Variants in EPHB1 observed in about 807,000 individuals in gnomAD.
EPHB1 encodes the protein ephrin type-B receptor 1.
EPHB1 carries 30 observed loss-of-function variants against 94.4 expected under a neutral mutation model. The ratio of observed to expected loss-of-function variants is 0.32; its 90% confidence interval spans 0.24 to 0.43. The LOEUF is 0.43. EPHB1 is among the 20% of genes least tolerant of loss of function. The probability of loss-of-function intolerance (pLI) is 1.00; values close to 1 mark genes in which losing one functional copy is unlikely to be tolerated. For synonymous variants in EPHB1, 522 were observed against 489.1 expected (o/e 1.07, Z -0.89); for missense variants, 1,055 against 1,308.3 (o/e 0.81, Z 2.99).
intron 3 of EPHB1, among the ~76,000 whole-genome samples, chr3:135,066,880 G>A (rs1159368770): frequency 6.6e-6 from 1 of 152,208 alleles, no homozygotes; most frequent in Non-Finnish European, 1.5e-5. Flanking sequence ...CCCACAGTGT[G>A]TTCCCTTGAT....
At chr3:135,158,246 A>G (rs1434028449) in intron 6 of EPHB1, among the ~76,000 whole-genome samples, 1 of 152,042 alleles carries the variant, frequency 6.6e-6, no homozygotes, top group Non-Finnish European at 1.5e-5. Flanking sequence ...AGCAAACCCC[A>G]TTATTTCTTC....
chr3:134,970,476 G>A (rs1301334868), intron 3 of EPHB1, among the ~76,000 whole-genome samples: 1 of 152,056 alleles, frequency 6.6e-6, no homozygotes, highest in Non-Finnish European at 1.5e-5. Context: ...TCCCTCCATG[G>A]CTTTGTCTTA....
At chr3:135,257,924 G>A (rs190790020) in intron 15 of EPHB1, among the ~76,000 whole-genome samples, 105 of 151,704 alleles carry the variant, frequency 6.9e-4, no homozygotes, top group Non-Finnish European at 1.2e-3. Context: ...GGTGCGCCGT[G>A]TTTTAAGCCT....
intron 3 of EPHB1, among the ~76,000 whole-genome samples, chr3:135,027,578 G>A (rs1187576154): frequency 6.6e-6 from 1 of 150,666 alleles, no homozygotes; most frequent in African/African-American, 2.4e-5. Context: ...CTTGATCATG[G>A]TGCATAAGCT....
At chr3:135,257,648 G>A (rs1933461183) in intron 15 of EPHB1, among the ~76,000 whole-genome samples, 1 of 151,008 alleles carries the variant, frequency 6.6e-6, no homozygotes, top group Admixed American at 6.6e-5. Context: ...ATTTAAGTCT[G>A]CAGAGGTTAC....
At chr3:134,909,478 A>G (rs962941838) in intron 1 of EPHB1, among the ~76,000 whole-genome samples, 1 of 152,290 alleles carries the variant, frequency 6.6e-6, no homozygotes, top group Non-Finnish European at 1.5e-5. Flanking sequence ...AAGCCTTGAG[A>G]GGTTCTGAAA....
intron 3 of EPHB1, among the ~76,000 whole-genome samples, chr3:134,994,845 A>G (rs993156430): frequency 1.3e-5 from 2 of 152,238 alleles, no homozygotes; most frequent in African/African-American, 4.8e-5. Flanking sequence ...TTTAAGAAAT[A>G]TTAAGAAAAA....
intron 1 of EPHB1, among the ~76,000 whole-genome samples, chr3:134,901,514 G>A (rs1306178321): frequency 3.3e-5 from 5 of 152,248 alleles, no homozygotes; most frequent in Admixed American, 1.3e-4. Context: ...TACACCTGGA[G>A]GCTTGGGCAG....
At position 134,795,339 on chromosome 3, in the gene EPHB1, C is replaced by T. The variant is rs1578089371; in HGVS notation, c.-293C>T. On this transcript the variant is annotated 5_prime_UTR_variant, in exon 1 of 16. Coordinates refer to ENST00000398015, the MANE Select transcript of EPHB1 (RefSeq NM_004441.5). ...CAGGACGCACTCGCTCTCGCGCGCT[C>T]TCCCAGGCTCGTTCTCCCTCGCCCT... 2 of 492,236 alleles carry T rather than the reference C, an allele frequency of 4.1e-6. No homozygotes were observed. Among genetic ancestry groups the T allele is most frequent in the Non-Finnish European group, 7.1e-6 (2 of 280,536 alleles). The allele number at this position is 492,236 out of a possible 1,614,324, so 30.5% of individuals were successfully genotyped here.
chr3:134,938,611 A>G (rs1170726600), intron 2 of EPHB1, among the ~76,000 whole-genome samples: 3 of 152,220 alleles, frequency 2.0e-5, no homozygotes, highest in Non-Finnish European at 4.4e-5. Flanking sequence ...CATAGAGCAT[A>G]CACATCATGG....
intron 3 of EPHB1, among the ~76,000 whole-genome samples, chr3:134,996,643 T>C (rs555041792): frequency 1.6e-4 from 25 of 152,324 alleles, no homozygotes; most frequent in Middle Eastern, 3.4e-3. Flanking sequence ...GAGTGACTGC[T>C]TCTTCCTAGT....
intron 1 of EPHB1, among the ~76,000 whole-genome samples, chr3:134,856,130 C>G (rs934146085): frequency 1.3e-5 from 2 of 152,194 alleles, no homozygotes; most frequent in African/African-American, 4.8e-5. Context: ...AAGTTTGTAA[C>G]TGAGTGCTAG....
chr3:134,886,778 A>G (rs932132031), intron 1 of EPHB1, among the ~76,000 whole-genome samples: 10 of 151,972 alleles, frequency 6.6e-5, no homozygotes, highest in Non-Finnish European at 1.2e-4. Flanking sequence ...TTTTTTTTAA[A>G]TAGGTGAGGA....
In EPHB1 at chr3:134,849,030, C is replaced by A. The variant is rs116209407; in HGVS notation, c.58+53341C>A. On this transcript the variant is annotated intron_variant, in intron 1 of 15. Transcript: ENST00000398015. ...ATCACACCTACGCACAAGGCGGGAG[C>A]CTGAGTTTCAGATGAACAGGAGGGA... Among the ~76,000 whole-genome samples, 1,067 of 152,330 alleles carry A rather than the reference C, an allele frequency of 7.0e-3. 12 individuals are homozygous for A. The highest frequency in any genetic ancestry group is 0.022 in the African/African-American group (899 of 41,562).
intron 1 of EPHB1, among the ~76,000 whole-genome samples, chr3:134,872,390 T>G (rs2037518857): frequency 6.6e-6 from 1 of 152,234 alleles, no homozygotes; most frequent in African/African-American, 2.4e-5. Flanking sequence ...CCTCTTCTAT[T>G]TCTTATAATT....
intron 1 of EPHB1, among the ~76,000 whole-genome samples, chr3:134,898,353 G>A (rs1317207670): frequency 6.6e-6 from 1 of 152,166 alleles, no homozygotes; most frequent in African/African-American, 2.4e-5. Context: ...GGATGGGGCT[G>A]AGAAGCTGAG....
intron 1 of EPHB1, among the ~76,000 whole-genome samples, chr3:134,901,377 T>A (rs1360049568): frequency 6.6e-6 from 1 of 152,240 alleles, no homozygotes; most frequent in African/African-American, 2.4e-5. Context: ...TTTCATTTAA[T>A]TTATTTGTTG....
At chr3:135,035,940 T>G (rs1936630231) in intron 3 of EPHB1, among the ~76,000 whole-genome samples, 1 of 152,202 alleles carries the variant, frequency 6.6e-6, no homozygotes, top group African/African-American at 2.4e-5. Flanking sequence ...GGTCCCCAGG[T>G]TTGAAGAAAA....
intron 1 of EPHB1, among the ~76,000 whole-genome samples, chr3:134,904,621 T>TA (rs1038166084): frequency 1.3e-5 from 2 of 152,150 alleles, no homozygotes; most frequent in Admixed American, 1.3e-4. Context: ...CTGGGAGAAA[T>TA]ACCTCCTCAC....
Sources: gnomAD v4.1 joint callset for allele counts (sites outside exome capture counted in the v4.1 genomes callset) on GRCh38, gnomAD v4.1.1 for gene constraint, MANE v1.5 for transcripts, NCBI Gene and HGNC (gene_info 2026-07-23, HGNC 2026-07-21) for gene names.